The following PPFIA2 variants were observed in gnomAD, a reference collection of about 807,000 sequenced individuals.
PPFIA2 encodes liprin-alpha-2.
Under a neutral mutation model 175.5 loss-of-function variants are expected in PPFIA2, and 46 were observed. That is an observed-to-expected ratio of 0.26 (90% CI 0.21 to 0.34). The LOEUF is 0.34. Among genes scored for constraint, PPFIA2 ranks in the 10% least tolerant of loss-of-function variants. The pLI, the probability that PPFIA2 is intolerant of heterozygous loss-of-function variation, is 1.00. For synonymous variants in PPFIA2, 568 were observed against 511.4 expected (o/e 1.11, Z -1.49); for missense variants, 1,179 against 1,506.1 (o/e 0.78, Z 3.60).
intron 8 of PPFIA2, among the ~76,000 whole-genome samples, chr12:81,385,638 T>G (rs2038761003): frequency 6.6e-6 from 1 of 152,110 alleles, no homozygotes; most frequent in African/African-American, 2.4e-5. Flanking sequence ...ACCTCGCTTA[T>G]CTGTAGAATC....
At chr12:81,567,855 A>G (rs1295166489) in intron 4 of PPFIA2, among the ~76,000 whole-genome samples, 1 of 152,140 alleles carries the variant, frequency 6.6e-6, no homozygotes, top group African/African-American at 2.4e-5. Flanking sequence ...GAATTATTGA[A>G]CCTCGGTGGA....
chr12:81,590,395 C>A (rs1323434793), intron 4 of PPFIA2, among the ~76,000 whole-genome samples: 2 of 152,114 alleles, frequency 1.3e-5, no homozygotes, highest in African/African-American at 4.8e-5. Context: ...GCCAGAATTA[C>A]CTCAACCTCA....
At chr12:81,516,297 A>T (rs1318266815) in intron 4 of PPFIA2, among the ~76,000 whole-genome samples, 1 of 152,166 alleles carries the variant, frequency 6.6e-6, no homozygotes, top group Non-Finnish European at 1.5e-5. Flanking sequence ...CAGATGTAAT[A>T]TATAATGTTC....
intron 4 of PPFIA2, among the ~76,000 whole-genome samples, chr12:81,635,682 T>G (rs1170406662): frequency 6.6e-6 from 1 of 152,208 alleles, no homozygotes; most frequent in African/African-American, 2.4e-5. Flanking sequence ...GCACCACACC[T>G]GACATGTCCA....
chr12:81,702,244 C>A (rs781157402), intron 3 of PPFIA2, among the ~76,000 whole-genome samples: 2 of 151,966 alleles, frequency 1.3e-5, no homozygotes, highest in Non-Finnish European at 2.9e-5. Flanking sequence ...TGCATCCCTT[C>A]AGTACACAAA....
At chr12:81,325,539 G>A (rs2054577304) in intron 22 of PPFIA2, among the ~76,000 whole-genome samples, 1 of 152,020 alleles carries the variant, frequency 6.6e-6, no homozygotes, top group Admixed American at 6.6e-5. Context: ...ACAAATCTAT[G>A]GATGGTTACG....
intron 27 of PPFIA2, among the ~76,000 whole-genome samples, chr12:81,279,809 C>T (rs982895845): frequency 7.2e-5 from 11 of 152,000 alleles, no homozygotes; most frequent in Non-Finnish European, 1.0e-4. Context: ...CTAAACTTCC[C>T]GTGACAGGGA....
chr12:81,741,366 C>T (rs1245580817), intron 3 of PPFIA2, among the ~76,000 whole-genome samples: 1 of 151,750 alleles, frequency 6.6e-6, no homozygotes, highest in African/African-American at 2.4e-5. Flanking sequence ...GCATGATTTG[C>T]TAAACAAGCA....
rs1377981946 is a variant in PPFIA2, at chr12:81,750,161, A to G, written c.249+3812T>C. On this transcript the variant is annotated intron_variant, in intron 3 of 32. Coordinates refer to ENST00000549396, the MANE Select transcript of PPFIA2 (RefSeq NM_003625.5). ...GGCTGGGATGGGAAATTAACCAGAC[A>G]AAGACATTGAGGAAAAACATTATAG... Among the ~76,000 whole-genome samples the G allele has an allele frequency of 1.4e-5, 2 of 144,130 alleles. 1 individual carries two copies. Among genetic ancestry groups the G allele is most frequent in the Non-Finnish European group, 3.1e-5 (2 of 64,298 alleles). 94.6% of individuals were successfully genotyped at this position (144,130 alleles called of 152,430 possible). A position where few individuals can be genotyped will look rare whatever the true frequency, so the allele number is the denominator to read the frequency against.
chr12:81,745,993 A>C (rs7969622), intron 3 of PPFIA2, among the ~76,000 whole-genome samples: 9,073 of 145,966 alleles, frequency 0.062, 1,268 homozygotes, highest in Middle Eastern at 0.097. Flanking sequence ...TTCCAACTCA[A>C]TCTTTGTAGA....
At chr12:81,681,893 G>T (rs111631782) in intron 3 of PPFIA2, among the ~76,000 whole-genome samples, 4 of 151,916 alleles carry the variant, frequency 2.6e-5, no homozygotes, top group African/African-American at 9.7e-5. Flanking sequence ...GTTGACTCTC[G>T]CATCGCATAT....
At chr12:81,510,906 C>T (rs1444272592) in intron 4 of PPFIA2, among the ~76,000 whole-genome samples, 1 of 152,012 alleles carries the variant, frequency 6.6e-6, no homozygotes, top group Admixed American at 6.6e-5. Context: ...GCCAGGGAGG[C>T]TGATGTGCAA....
chr12:81,389,929 T>C (rs939877201), intron 8 of PPFIA2, among the ~76,000 whole-genome samples: 2 of 152,052 alleles, frequency 1.3e-5, no homozygotes, highest in Non-Finnish European at 2.9e-5. Flanking sequence ...GGAAATCTTA[T>C]AATTATTAGC....
Position 81,754,315 on chromosome 12 carries a change from A to G in PPFIA2, c.-2-92T>C. 4.1e-6 allele frequency: 6 copies of G among 1,453,920 alleles called. 1 individual carries two copies. The highest frequency in any genetic ancestry group is 5.6e-6 in the Non-Finnish European group (6 of 1,074,992). 90.1% of individuals were successfully genotyped at this position (1,453,920 alleles called of 1,614,324 possible). On this transcript the variant is annotated intron_variant, in intron 2 of 32. Transcript: ENST00000549396. ...CAATTCACTAAATATTTTTCAGCTTATTAGCCTATTTGTCTCTATTTCCCC... is the reference window on the plus strand; with the variant it reads ...CAATTCACTAAATATTTTTCAGCTTGTTAGCCTATTTGTCTCTATTTCCCC...
intron 21 of PPFIA2, 38 bp downstream of exon 21, chr12:81,339,142 T>C (rs372803448): frequency 1.3e-4 from 185 of 1,474,852 alleles, no homozygotes; most frequent in Middle Eastern, 6.2e-4. Context: ...ATGACTAAAA[T>C]GAGTGGCAGT....
chr12:81,624,787 A>G (rs999699739), intron 4 of PPFIA2, among the ~76,000 whole-genome samples: 3 of 151,198 alleles, frequency 2.0e-5, no homozygotes, highest in Admixed American at 6.6e-5. Flanking sequence ...TGAGTATGCA[A>G]AGCCATACAG....
At chr12:81,391,507 G>A (rs955775293) in intron 8 of PPFIA2, among the ~76,000 whole-genome samples, 16 of 151,870 alleles carry the variant, frequency 1.1e-4, no homozygotes, top group Admixed American at 5.3e-4. Context: ...GTTTGAACAG[G>A]GAAGTAACAT....
At chr12:81,753,241 T>C (rs975818364) in intron 3 of PPFIA2, among the ~76,000 whole-genome samples, 2 of 152,040 alleles carry the variant, frequency 1.3e-5, no homozygotes, top group African/African-American at 4.8e-5. Context: ...AGCCTATGAG[T>C]TTCTTAAACA....
intron 3 of PPFIA2, among the ~76,000 whole-genome samples, chr12:81,710,947 C>G (rs1045883322): frequency 6.6e-6 from 1 of 151,322 alleles, no homozygotes; most frequent in African/African-American, 2.4e-5. Flanking sequence ...GAAGTAAAAT[C>G]TTTGGTCAAG....
Sources: allele counts gnomAD v4.1 joint callset (sites outside exome capture counted in the v4.1 genomes callset), GRCh38; gene constraint gnomAD v4.1.1; transcripts MANE v1.5; gene names NCBI Gene and HGNC (gene_info 2026-07-23, HGNC 2026-07-21).